Variants in ATR observed in about 807,000 individuals in gnomAD.
ATR encodes ATR checkpoint kinase, also known as serine/threonine-protein kinase ATR.
ATR carries 142 observed loss-of-function variants against 305.3 expected under a neutral mutation model. The observed-to-expected ratio is 0.47, with a 90% CI of 0.41 to 0.53. The LOEUF is 0.53. Ranked by LOEUF, ATR falls within the 20% of genes least tolerant of loss-of-function variation. The probability of loss-of-function intolerance (pLI) is 0.00; values close to 1 mark genes in which losing one functional copy is unlikely to be tolerated. For synonymous variants in ATR, 1,050 were observed against 1,068.1 expected (o/e 0.98, Z 0.33); for missense variants, 2,135 against 3,133.1 (o/e 0.68, Z 7.60).
chr3:142,507,278 A>C (rs1365808405), intron 28 of ATR, among the ~76,000 whole-genome samples: 1 of 152,182 alleles, frequency 6.6e-6, no homozygotes, highest in Non-Finnish European at 1.5e-5. Flanking sequence ...CAATCATAAC[A>C]TCGCCTAAAT....
intron 10 of ATR, 102 bp from the exon 11 acceptor site, chr3:142,554,117 T>C (rs1043120758): frequency 9.9e-6 from 10 of 1,013,332 alleles, no homozygotes; most frequent in Non-Finnish European, 1.1e-5. Context: ...GAATCCTAAG[T>C]TCTCTTATAA....
chr3:142,557,650 G>T (rs538171124), intron 8 of ATR, among the ~76,000 whole-genome samples: 1 of 152,230 alleles, frequency 6.6e-6, no homozygotes, highest in Non-Finnish European at 1.5e-5. Context: ...GAGGGACAAA[G>T]GCTTCCATCA....
At chr3:142,561,947 C>T (rs2034897289) in intron 4 of ATR, among the ~76,000 whole-genome samples, 2 of 152,070 alleles carry the variant, frequency 1.3e-5, no homozygotes. Context: ...GGTAACTGCC[C>T]CCTTTTAATT....
chr3:142,487,371 A>G (rs2031008634), intron 35 of ATR, among the ~76,000 whole-genome samples: 1 of 152,148 alleles, frequency 6.6e-6, no homozygotes, highest in African/African-American at 2.4e-5. Flanking sequence ...TCCTCAGCTC[A>G]AGCAATCCGC....
intron 13 of ATR, 82 bp downstream of exon 13, chr3:142,553,145 A>T: frequency 6.7e-7 from 1 of 1,492,714 alleles, no homozygotes; most frequent in South Asian, 1.2e-5. Flanking sequence ...AGCAAAATAA[A>T]ACATGTATAA....
At chr3:142,506,209 CAG>C (rs757169485) in intron 28 of ATR, among the ~76,000 whole-genome samples, 4 of 152,064 alleles carry the variant, frequency 2.6e-5, no homozygotes, top group Non-Finnish European at 4.4e-5. Context: ...GTTCCGGAAA[CAG>C]AGAGATGGGA....
At chr3:142,527,706 T>C (rs1258944636) in intron 21 of ATR, among the ~76,000 whole-genome samples, 4 of 152,230 alleles carry the variant, frequency 2.6e-5, no homozygotes, top group East Asian at 1.9e-4. Context: ...TAATAAAATA[T>C]TTGTTTCACA....
In ATR at chr3:142,563,127, AAG is replaced by A; in HGVS notation, c.293-20_293-19del. 6.3e-7 allele frequency: 1 copy of A among 1,593,084 alleles called. No homozygotes were observed. Among genetic ancestry groups the A allele is most frequent in the East Asian group, 2.2e-5 (1 of 44,818 alleles). ...ACTGAATTCTTTGAAATAAACAAAA[AAG>A]ATATTAAATAAACAAGTATATCCGA... is the stretch of plus-strand genomic sequence containing the variant. On this transcript the variant is annotated intron_variant, in intron 3 of 46. Coordinates refer to ENST00000350721, the MANE Select transcript of ATR (RefSeq NM_001184.4).
At chr3:142,561,176 C>T (rs1162544773) in intron 5 of ATR, 67 bp downstream of exon 5, 1 of 1,540,316 alleles carries the variant, frequency 6.5e-7, no homozygotes, top group Non-Finnish European at 9.0e-7. Flanking sequence ...TTAACTAAAG[C>T]TGATTTTTAA....
intron 24 of ATR, among the ~76,000 whole-genome samples, chr3:142,515,939 G>A (rs979659611): frequency 5.9e-5 from 9 of 152,160 alleles, no homozygotes; most frequent in South Asian, 4.1e-4. Context: ...TCTAGCTGGA[G>A]CACTTAATCA....
At chr3:142,477,928 C>A (rs186166040) in intron 36 of ATR, among the ~76,000 whole-genome samples, 68 of 151,432 alleles carry the variant, frequency 4.5e-4, no homozygotes, top group African/African-American at 1.5e-3. Flanking sequence ...TCTGTGGGAT[C>A]GGTGATATCC....
intron 46 of ATR, chr3:142,450,237 T>C: frequency 1.6e-6 from 1 of 634,270 alleles, no homozygotes; most frequent in Non-Finnish European, 2.9e-6. Flanking sequence ...GAACTCCAGG[T>C]ATTAAAATAA....
At chr3:142,452,093 C>G (rs574953833) in intron 46 of ATR, 1 of 1,020,182 alleles carries the variant, frequency 9.8e-7, no homozygotes, top group South Asian at 3.9e-5. Context: ...TCTTTTAGTT[C>G]TTTTAGAAGA....
In ATR at chr3:142,553,925, T is replaced by C; in HGVS notation, c.2432A>G (p.Asn811Ser). The change falls in exon 11 of 47, where the codon AAT (asparagine) becomes AGT (serine). Residue 811 changes from asparagine (N) to serine (S), a missense_variant. Transcript: ENST00000350721. ...ATCTTTGTCTGGATCTTCCATTAAA[T>C]TTAATAAAGTTCCAAGAACTGCTTT... ...DVKAVLGTLL[N>S]LMEDPDKDVR... 1.2e-6 allele frequency: 2 copies of C among 1,612,316 alleles called. No individual in the cohort carries two copies. The highest frequency in any genetic ancestry group is 2.2e-5 in the South Asian group (2 of 90,802).
intron 24 of ATR, among the ~76,000 whole-genome samples, chr3:142,518,347 T>C (rs2032996647): frequency 6.6e-6 from 1 of 152,128 alleles, no homozygotes; most frequent in Non-Finnish European, 1.5e-5. Flanking sequence ...TGAAACTTCA[T>C]CTCTACTAAA....
chr3:142,493,039 T>G (rs971400670), intron 35 of ATR, 93 bp downstream of exon 35: 17 of 1,401,804 alleles, frequency 1.2e-5, no homozygotes, highest in Non-Finnish European at 1.5e-5. Flanking sequence ...AAAAATTTCC[T>G]GGTTATTTTT....
In ATR at chr3:142,497,204, T is replaced by G; in HGVS notation, c.5559-12A>C. ...ATAACATGTGCAATCTGAAGATAGATAGAGCCTATGTTAAAATGTTATCAT... is the reference window on the plus strand; with the variant it reads ...ATAACATGTGCAATCTGAAGATAGAGAGAGCCTATGTTAAAATGTTATCAT... On this transcript the variant is annotated splice_polypyrimidine_tract_variant and intron_variant, in intron 32 of 46. Transcript: ENST00000350721. 1.9e-6 allele frequency: 3 copies of G among 1,613,046 alleles called. No homozygotes were observed. Among genetic ancestry groups the G allele is most frequent in the Non-Finnish European group, 1.7e-6 (2 of 1,179,172 alleles).
intron 24 of ATR, 129 bp from the exon 25 acceptor site, chr3:142,515,644 T>C: frequency 9.7e-7 from 1 of 1,031,580 alleles, no homozygotes; most frequent in Non-Finnish European, 1.4e-6. Context: ...CTTACCTTTT[T>C]CCAGTATCCT....
At position 142,526,365 on chromosome 3, in the gene ATR, T is replaced by C. The variant is rs530946157; in HGVS notation, c.3946-2166A>G. 3.6e-4 allele frequency among the ~76,000 whole-genome samples: 55 copies of C among 152,248 alleles called. No homozygotes were observed. The South Asian group carries it at 5.8e-3, about 16-fold the overall frequency. On this transcript the variant is annotated intron_variant, in intron 21 of 46. Transcript: ENST00000350721. ...TATCATCTGTAAATATAGTTTTACATCTTTTCCAACTTTTATGTCTGATTG... is the reference window on the plus strand; with the variant it reads ...TATCATCTGTAAATATAGTTTTACACCTTTTCCAACTTTTATGTCTGATTG...
Sources: allele counts gnomAD v4.1 joint callset (sites outside exome capture counted in the v4.1 genomes callset), GRCh38; gene constraint gnomAD v4.1.1; transcripts MANE v1.5; gene names NCBI Gene and HGNC (gene_info 2026-07-23, HGNC 2026-07-21).